RAB28: variants seen among roughly 807,000 people sequenced by gnomAD.
RAB28 encodes the protein ras-related protein Rab-28.
A neutral mutation model predicts 31.7 loss-of-function variants in RAB28; 24 were observed. The observed-to-expected ratio is 0.76, with a 90% CI of 0.55 to 1.06. The LOEUF (loss-of-function observed/expected upper bound fraction) is 1.06, where lower values mean the gene tolerates loss of function less well. Ranked by LOEUF, RAB28 falls within the 50% of genes least tolerant of loss-of-function variation. The probability of loss-of-function intolerance (pLI) is 0.00; values close to 1 mark genes in which losing one functional copy is unlikely to be tolerated. For missense variants in RAB28, 254 were observed against 258.5 expected (o/e 0.98, Z 0.12); for synonymous variants, 100 against 90.4 (o/e 1.11, Z -0.60).
At chr4:13,429,672 G>A (rs904634725) in intron 4 of RAB28, among the ~76,000 whole-genome samples, 2 of 152,036 alleles carry the variant, frequency 1.3e-5, no homozygotes, top group East Asian at 1.9e-4. Flanking sequence ...TTAATAGATC[G>A]GAAGAAAATA....
At chr4:13,472,282 A>G (rs556200740) in intron 3 of RAB28, among the ~76,000 whole-genome samples, 1 of 152,032 alleles carries the variant, frequency 6.6e-6, no homozygotes, top group South Asian at 2.1e-4. Flanking sequence ...CAGTTAGCTG[A>G]GATTACAGGC....
chr4:13,412,387 G>A (rs1185972110), intron 4 of RAB28, among the ~76,000 whole-genome samples: 1 of 152,052 alleles, frequency 6.6e-6, no homozygotes, highest in Non-Finnish European at 1.5e-5. Context: ...TCTATACACC[G>A]CAAGCAACTA....
intron 4 of RAB28, among the ~76,000 whole-genome samples, chr4:13,416,151 A>G (rs1712767679): frequency 1.3e-5 from 2 of 152,158 alleles, no homozygotes. Flanking sequence ...AAATAAAAGC[A>G]GGCTGCCCAA....
chr4:13,399,688 T>C (rs1331304863), intron 4 of RAB28, among the ~76,000 whole-genome samples: 1 of 152,210 alleles, frequency 6.6e-6, no homozygotes, highest in Non-Finnish European at 1.5e-5. Flanking sequence ...GAGACTCCAC[T>C]TATATTTATA....
At chr4:13,475,536 C>T (rs942789333) in intron 2 of RAB28, among the ~76,000 whole-genome samples, 3 of 151,416 alleles carry the variant, frequency 2.0e-5, no homozygotes, top group Non-Finnish European at 3.0e-5. Context: ...AAGAAAAAGA[C>T]ATTTGATTAA....
At chr4:13,420,905 A>G (rs1054699906) in intron 4 of RAB28, among the ~76,000 whole-genome samples, 2 of 152,116 alleles carry the variant, frequency 1.3e-5, no homozygotes, top group East Asian at 1.9e-4. Context: ...GTTCTGGCCG[A>G]GCAATCAGGC....
intron 4 of RAB28, among the ~76,000 whole-genome samples, chr4:13,428,698 C>G (rs1328857025): frequency 6.6e-6 from 1 of 152,024 alleles, no homozygotes; most frequent in Non-Finnish European, 1.5e-5. Flanking sequence ...GTATTCCTCT[C>G]CAGTAGAGGA....
intron 4 of RAB28, 39 bp downstream of exon 4, chr4:13,460,660 G>A (rs865921894): frequency 1.9e-6 from 3 of 1,612,040 alleles, no homozygotes; most frequent in African/African-American, 2.7e-5. Context: ...ACAACAGCAA[G>A]TAAACTGTAC....
chr4:13,400,685 T>C (rs1711697575), intron 4 of RAB28, among the ~76,000 whole-genome samples: 1 of 152,174 alleles, frequency 6.6e-6, no homozygotes, highest in Non-Finnish European at 1.5e-5. Context: ...AAGTATGACA[T>C]TAATTGTAGG....
chr4:13,419,252 A>G (rs1712975282), intron 4 of RAB28, among the ~76,000 whole-genome samples: 1 of 152,208 alleles, frequency 6.6e-6, no homozygotes, highest in African/African-American at 2.4e-5. Context: ...TCATAAAGCA[A>G]GTCCTTAGAG....
intron 3 of RAB28, 31 bp downstream of exon 3, chr4:13,474,287 A>G (rs749449571): frequency 2.1e-6 from 3 of 1,401,384 alleles, no homozygotes; most frequent in Non-Finnish European, 3.0e-6. Context: ...GTATACTTTC[A>G]ATACTGGAAT....
intron 4 of RAB28, among the ~76,000 whole-genome samples, chr4:13,417,452 A>C (rs2108916416): frequency 6.6e-6 from 1 of 152,156 alleles, no homozygotes; most frequent in South Asian, 2.1e-4. Context: ...TGGGTCCCTG[A>C]CCCCTATGTA....
chr4:13,470,156 G>T (rs1321744222), intron 3 of RAB28, among the ~76,000 whole-genome samples: 2 of 151,996 alleles, frequency 1.3e-5, no homozygotes, highest in Non-Finnish European at 2.9e-5. Context: ...CAAAATGCAG[G>T]TTATTTGTTT....
chr4:13,440,148 A>G (rs1714338134), intron 4 of RAB28, among the ~76,000 whole-genome samples: 1 of 152,216 alleles, frequency 6.6e-6, no homozygotes, highest in Non-Finnish European at 1.5e-5. Flanking sequence ...ATATGAATTT[A>G]TTGTGTCCAA....
Position 13,381,525 on chromosome 4 carries a change from C to T in RAB28, c.461G>A (p.Ser154Asn), listed in dbSNP as rs766647175. The change falls in exon 5 of 7, where the codon AGT becomes AAT. Residue 154 changes from serine (S) to asparagine (N), a missense_variant. Physicochemically the swap from Ser to Asn is conservative, Grantham distance 46 (BLOSUM62 1). Coordinates refer to ENST00000330852, the MANE Select transcript of RAB28 (RefSeq NM_001017979.3). ...TGTCTTGGCTGAGACAAAGTGGCTA[C>T]TAAAACCATTTTCCTGGCAAAACCG... is the stretch of plus-strand genomic sequence containing the variant. Reference protein sequence around the residue: ...HLRFCQENGFSSHFVSAKTGD... With the variant: ...HLRFCQENGFNSHFVSAKTGD... 6.2e-6 allele frequency: 10 copies of T among 1,612,690 alleles called. No individual in the cohort carries two copies. The highest frequency in any genetic ancestry group is 1.7e-4 in the Middle Eastern group (1 of 6,042).
chr4:13,428,227 ACTT>A (rs1366108463), intron 4 of RAB28, among the ~76,000 whole-genome samples: 3 of 152,124 alleles, frequency 2.0e-5, no homozygotes, highest in Non-Finnish European at 4.4e-5. Flanking sequence ...TTCAGTTTTT[ACTT>A]CTTCTTTCTT....
intron 4 of RAB28, among the ~76,000 whole-genome samples, chr4:13,437,100 A>C (rs1714160758): frequency 6.6e-6 from 1 of 152,166 alleles, no homozygotes; most frequent in Non-Finnish European, 1.5e-5. Flanking sequence ...GACAAAAATA[A>C]ACAATGGCGA....
At chr4:13,450,662 A>G (rs1278047345) in intron 4 of RAB28, among the ~76,000 whole-genome samples, 1 of 151,912 alleles carries the variant, frequency 6.6e-6, no homozygotes, top group Non-Finnish European at 1.5e-5. Flanking sequence ...TCAGATGACA[A>G]TAAGAATATG....
chr4:13,455,845 T>C (rs765943451), intron 4 of RAB28, among the ~76,000 whole-genome samples: 1 of 152,222 alleles, frequency 6.6e-6, no homozygotes, highest in Non-Finnish European at 1.5e-5. Context: ...ACCAATCTGA[T>C]CTGGACAGGG....
Sources: gnomAD v4.1 joint callset for allele counts (sites outside exome capture counted in the v4.1 genomes callset) on GRCh38, gnomAD v4.1.1 for gene constraint, MANE v1.5 for transcripts, NCBI Gene and HGNC (gene_info 2026-07-23, HGNC 2026-07-21) for gene names.